ZSCAN5A: variants seen among roughly 807,000 people sequenced by gnomAD.
The protein encoded by ZSCAN5A is zinc finger and SCAN domain-containing protein 5A.
Under a neutral mutation model 23.7 loss-of-function variants are expected in ZSCAN5A, and 12 were observed. The ratio of observed to expected loss-of-function variants is 0.51; its 90% CI spans 0.32 to 0.82. The LOEUF (loss-of-function observed/expected upper bound fraction) is 0.82. ZSCAN5A is among the 40% of genes least tolerant of loss of function. The pLI is 0.03. For synonymous variants in ZSCAN5A, 257 were observed against 239.9 expected (o/e 1.07, Z -0.66); for missense variants, 597 against 617.9 (o/e 0.97, Z 0.36).
At chr19:56,242,138 C>T (rs952235980) in intron 2 of ZSCAN5A, among the ~76,000 whole-genome samples, 2 of 152,140 alleles carry the variant, frequency 1.3e-5, no homozygotes, top group Non-Finnish European at 2.9e-5. Context: ...ATCGGCTGCT[C>T]TAATTTACAT....
intron 2 of ZSCAN5A, chr19:56,281,610 G>A (rs2038712741): frequency 1.4e-6 from 1 of 698,572 alleles, no homozygotes; most frequent in African/African-American, 1.9e-5. Context: ...TAACAGAGAT[G>A]GATGATGTTA....
chr19:56,241,306 T>C (rs761870331), intron 2 of ZSCAN5A, among the ~76,000 whole-genome samples: 43 of 152,220 alleles, frequency 2.8e-4, no homozygotes, highest in Admixed American at 5.2e-4. Context: ...TTGCCCAGGC[T>C]GTTATCAAAC....
chr19:56,249,169 C>T (rs2036168218), intron 2 of ZSCAN5A, among the ~76,000 whole-genome samples: 2 of 152,226 alleles, frequency 1.3e-5, no homozygotes, highest in South Asian at 4.1e-4. Flanking sequence ...GATAGTACCA[C>T]ATCCTGAAGG....
chr19:56,343,043 T>C lies in ZSCAN5A; in HGVS notation c.-358+20192A>G, dbSNP rs544793579. 62 of 811,656 alleles carry C rather than the reference T, an allele frequency of 7.6e-5. No individual in the cohort carries two copies. The South Asian group carries it at 8.2e-4, about 11-fold the overall frequency. 50.3% of individuals were successfully genotyped at this position (811,656 alleles called of 1,614,324 possible). ...ATCCAAGTCTTCTTTCCCCCAGAAC[T>C]GTCAGACAACCTTGGCTTGTTCCAG... On this transcript the variant is annotated intron_variant, in intron 2 of 6. Coordinates refer to the ZSCAN5A transcript ENST00000587340.
chr19:56,354,588 C>G (rs2041690173), intron 2 of ZSCAN5A: 1 of 152,186 alleles, frequency 6.6e-6, no homozygotes, highest in Non-Finnish European at 1.5e-5. Flanking sequence ...TAGTGGAAAT[C>G]ATCAGTCTGA....
intron 2 of ZSCAN5A, among the ~76,000 whole-genome samples, chr19:56,241,848 C>T (rs1447160715): frequency 6.6e-6 from 1 of 152,138 alleles, no homozygotes; most frequent in Non-Finnish European, 1.5e-5. Flanking sequence ...ATGATTTTAA[C>T]TTGTATTTTA....
At chr19:56,366,422 C>CAAAAAAAAA in intron 1 of ZSCAN5A, among the ~76,000 whole-genome samples, 1 of 83,170 alleles carries the variant, frequency 1.2e-5, no homozygotes, top group Non-Finnish European at 2.8e-5. Context: ...GACTCTGTCT[C>CAAAAAAAAA]AAAAAAAAAA....
chr19:56,334,377 A>G (rs1305339425), intron 2 of ZSCAN5A, among the ~76,000 whole-genome samples: 6 of 152,186 alleles, frequency 3.9e-5, no homozygotes, highest in Non-Finnish European at 7.3e-5. Flanking sequence ...TCTTGCACAA[A>G]TTATTTTATT....
intron 2 of ZSCAN5A, among the ~76,000 whole-genome samples, chr19:56,307,491 G>A (rs1438779394): frequency 1.3e-5 from 2 of 152,130 alleles, no homozygotes; most frequent in African/African-American, 4.8e-5. Context: ...AAGGTTAACT[G>A]TGTGACATTT....
intron 2 of ZSCAN5A, among the ~76,000 whole-genome samples, chr19:56,256,837 T>G (rs1007142730): frequency 1.3e-5 from 2 of 152,014 alleles, no homozygotes; most frequent in Non-Finnish European, 2.9e-5. Context: ...AAGAAATGTT[T>G]GAGAAGCACT....
At chr19:56,334,105 G>A (rs1213291466) in intron 2 of ZSCAN5A, among the ~76,000 whole-genome samples, 3 of 152,118 alleles carry the variant, frequency 2.0e-5, no homozygotes, top group Admixed American at 6.5e-5. Context: ...GAATGGGCAG[G>A]CCCATGTACA....
intron 2 of ZSCAN5A, among the ~76,000 whole-genome samples, chr19:56,292,921 T>C (rs535103016): frequency 6.6e-6 from 1 of 152,350 alleles, no homozygotes; most frequent in African/African-American, 2.4e-5. Context: ...GGCTGAGCAA[T>C]ACTCCATTGC....
At chr19:56,244,109 C>T (rs918556179) in intron 2 of ZSCAN5A, 101 of 1,527,658 alleles carry the variant, frequency 6.6e-5, no homozygotes, top group African/African-American at 8.2e-5. Context: ...GTCAGAGCCG[C>T]CACAGTCTGT....
chr19:56,260,343 T>C (rs1241984184), intron 2 of ZSCAN5A, among the ~76,000 whole-genome samples: 2 of 151,868 alleles, frequency 1.3e-5, no homozygotes, highest in African/African-American at 4.8e-5. Context: ...GCCTTCCTAG[T>C]AGCTGGGATT....
At chr19:56,360,347 C>A (rs2041726718) in intron 2 of ZSCAN5A, among the ~76,000 whole-genome samples, 1 of 151,990 alleles carries the variant, frequency 6.6e-6, no homozygotes, top group Non-Finnish European at 1.5e-5. Flanking sequence ...AAATAAAACA[C>A]CTAGAAATAC....
intron 2 of ZSCAN5A, among the ~76,000 whole-genome samples, chr19:56,345,542 T>C (rs1287629711): frequency 6.6e-6 from 1 of 152,136 alleles, no homozygotes; most frequent in African/African-American, 2.4e-5. Context: ...ATTTGCATTA[T>C]AAAGTATGGA....
intron 2 of ZSCAN5A, chr19:56,283,040 G>C (rs1156635920): frequency 6.6e-6 from 1 of 152,204 alleles, no homozygotes; most frequent in Non-Finnish European, 1.5e-5. Context: ...AGGCACCTTT[G>C]CATTCGGAGC....
At chr19:56,250,907 T>C (rs1308972810) in intron 2 of ZSCAN5A, among the ~76,000 whole-genome samples, 1 of 152,086 alleles carries the variant, frequency 6.6e-6, no homozygotes, top group African/African-American at 2.4e-5. Flanking sequence ...TCCCAGCACT[T>C]TGGGAGGCCA....
chr19:56,316,806 TTTA>T (rs2041321459), upstream of ZSCAN5A: 1 of 152,280 alleles, frequency 6.6e-6, no homozygotes, highest in Non-Finnish European at 1.5e-5. Flanking sequence ...TCTCAGCCTG[TTTA>T]TTGTTTGGTC....
Sources: allele counts gnomAD v4.1 joint callset (sites outside exome capture counted in the v4.1 genomes callset), GRCh38; gene constraint gnomAD v4.1.1; transcripts MANE v1.5; gene names NCBI Gene and HGNC (gene_info 2026-07-23, HGNC 2026-07-21).